GMDS: variants seen among roughly 807,000 people sequenced by gnomAD.
GMDS encodes GDP-mannose 4,6 dehydratase.
Under a neutral mutation model 49.9 loss-of-function variants are expected in GMDS, and 20 were observed. That is an observed-to-expected ratio of 0.40 (90% CI 0.28 to 0.58). The LOEUF (loss-of-function observed/expected upper bound fraction) is 0.58, where lower values mean the gene tolerates loss of function less well. Ranked by LOEUF, GMDS falls within the 20% of genes least tolerant of loss-of-function variation. The pLI is 0.42. For missense variants in GMDS, 362 were observed against 481.4 expected (o/e 0.75, Z 2.32); for synonymous variants, 177 against 178.6 (o/e 0.99, Z 0.07).
intron 4 of GMDS, among the ~76,000 whole-genome samples, chr6:2,017,371 C>T (rs1190818226): frequency 6.6e-6 from 1 of 151,932 alleles, no homozygotes; most frequent in Non-Finnish European, 1.5e-5. Flanking sequence ...TGCAGTGGCG[C>T]TATCTCCGCT....
At chr6:2,200,232 T>C (rs1181672005) in intron 1 of GMDS, among the ~76,000 whole-genome samples, 4 of 151,900 alleles carry the variant, frequency 2.6e-5, no homozygotes, top group Admixed American at 1.3e-4. Flanking sequence ...AAAAGTGCTA[T>C]AGGAAAAAAC....
chr6:2,055,546 T>C (rs544304103), intron 4 of GMDS, among the ~76,000 whole-genome samples: 2 of 152,258 alleles, frequency 1.3e-5, no homozygotes, highest in African/African-American at 4.8e-5. Context: ...CCTAAGGATG[T>C]CAAATTACTG....
intron 6 of GMDS, among the ~76,000 whole-genome samples, chr6:1,944,941 A>G (rs545237049): frequency 3.5e-4 from 54 of 152,198 alleles, no homozygotes; most frequent in Non-Finnish European, 6.0e-4. Flanking sequence ...CAATACCCTG[A>G]AAACAAATAC....
chr6:1,910,673 C>T (rs1395596228), intron 7 of GMDS, among the ~76,000 whole-genome samples: 1 of 152,084 alleles, frequency 6.6e-6, no homozygotes, highest in East Asian at 1.9e-4. Flanking sequence ...TGCACATACA[C>T]GAGGGTCTTT....
At chr6:2,222,461 T>C (rs935783162) in intron 1 of GMDS, among the ~76,000 whole-genome samples, 2 of 152,218 alleles carry the variant, frequency 1.3e-5, no homozygotes, top group Non-Finnish European at 2.9e-5. Flanking sequence ...CATTACACAA[T>C]TATTGGGTAC....
At chr6:2,164,905 G>A (rs1224173599) in intron 1 of GMDS, among the ~76,000 whole-genome samples, 12 of 152,156 alleles carry the variant, frequency 7.9e-5, no homozygotes, top group East Asian at 1.9e-4. Flanking sequence ...CAATCTCACC[G>A]TATTTGTTAG....
chr6:2,008,856 AACAT>A (rs1308215742), intron 4 of GMDS, among the ~76,000 whole-genome samples: 2 of 152,312 alleles, frequency 1.3e-5, no homozygotes, highest in East Asian at 3.9e-4. Flanking sequence ...GCAGGTACGT[AACAT>A]ACCTCATTTT....
chr6:2,064,830 T>C (rs1220773863), intron 4 of GMDS, among the ~76,000 whole-genome samples: 1 of 152,136 alleles, frequency 6.6e-6, no homozygotes, highest in African/African-American at 2.4e-5. Flanking sequence ...AGAGTGCTTT[T>C]GGGGAGGGAG....
chr6:1,866,969 C>A (rs145261201), intron 7 of GMDS, among the ~76,000 whole-genome samples: 18 of 152,152 alleles, frequency 1.2e-4, no homozygotes, highest in African/African-American at 4.1e-4. Flanking sequence ...ACTTTTAAAT[C>A]GACAACAATT....
chr6:2,171,346 TA>T (rs904054967), intron 1 of GMDS, among the ~76,000 whole-genome samples: 4 of 152,214 alleles, frequency 2.6e-5, no homozygotes, highest in African/African-American at 9.7e-5. Context: ...CGGTCTGCTA[TA>T]ACAAAATACC....
intron 1 of GMDS, among the ~76,000 whole-genome samples, chr6:2,174,840 A>G (rs1778196028): frequency 6.6e-6 from 1 of 152,194 alleles, no homozygotes; most frequent in African/African-American, 2.4e-5. Context: ...AAGTGCTAGC[A>G]TTATAGGCAT....
At chr6:1,695,771 T>C (rs1266228347) in intron 9 of GMDS, among the ~76,000 whole-genome samples, 1 of 152,148 alleles carries the variant, frequency 6.6e-6, no homozygotes, top group Admixed American at 6.5e-5. Context: ...CCACGTGTTC[T>C]TTTCCAGGCT....
At chr6:1,846,189 C>T (rs1757403903) in intron 7 of GMDS, among the ~76,000 whole-genome samples, 1 of 151,330 alleles carries the variant, frequency 6.6e-6, no homozygotes, top group Non-Finnish European at 1.5e-5. Context: ...ACCTCCCAGG[C>T]TCAAGTGATC....
At chr6:2,066,772 G>C (rs971301943) in intron 4 of GMDS, among the ~76,000 whole-genome samples, 10 of 151,984 alleles carry the variant, frequency 6.6e-5, no homozygotes, top group Non-Finnish European at 1.2e-4. Context: ...AGCAAGTCCT[G>C]AGTGAACTAC....
chr6:1,965,256 T>A (rs1404847272), intron 4 of GMDS, among the ~76,000 whole-genome samples: 2 of 152,156 alleles, frequency 1.3e-5, no homozygotes, highest in Non-Finnish European at 2.9e-5. Context: ...CTAGAGCACA[T>A]AACTCATGGA....
chr6:1,747,474 G>A (rs993634418), intron 7 of GMDS, among the ~76,000 whole-genome samples: 39 of 5,178 alleles, frequency 7.5e-3, no homozygotes, highest in African/African-American at 0.025. Flanking sequence ...ACACACACAC[G>A]CTCATGCGTG....
intron 9 of GMDS, among the ~76,000 whole-genome samples, chr6:1,703,170 C>T (rs1011195764): frequency 1.3e-5 from 2 of 152,122 alleles, no homozygotes; most frequent in Admixed American, 1.3e-4. Flanking sequence ...TGCATGCTGG[C>T]TACGTGGGCA....
chr6:1,927,047 G>A (rs993417698), intron 7 of GMDS, among the ~76,000 whole-genome samples: 156 of 90,408 alleles, frequency 1.7e-3, no homozygotes, highest in Non-Finnish European at 2.2e-3. Context: ...AGAGGGTAGC[G>A]TGTTGATGTA....
chr6:2,173,818 G>T (rs6900870), intron 1 of GMDS, among the ~76,000 whole-genome samples: 16,405 of 152,138 alleles, frequency 0.11, 2,964 homozygotes, highest in African/African-American at 0.37. Flanking sequence ...TGAGTCTTAC[G>T]CTAGCATTTC....
Sources: gnomAD v4.1 joint callset for allele counts (sites outside exome capture counted in the v4.1 genomes callset) on GRCh38, gnomAD v4.1.1 for gene constraint, MANE v1.5 for transcripts, NCBI Gene and HGNC (gene_info 2026-07-23, HGNC 2026-07-21) for gene names.